Variants in CLIP1 observed in about 807,000 individuals in gnomAD.
The protein encoded by CLIP1 is CAP-Gly domain-containing linker protein 1.
A neutral mutation model predicts 161.6 loss-of-function variants in CLIP1; 66 were observed. The ratio of observed to expected loss-of-function variants is 0.41; its 90% CI spans 0.33 to 0.50. CLIP1 has a LOEUF of 0.50. Among genes scored for constraint, CLIP1 ranks in the 20% least tolerant of loss-of-function variants. CLIP1 has a pLI of 0.27. For synonymous variants in CLIP1, 598 were observed against 626.2 expected, an observed-to-expected ratio of 0.96 and a Z score of 0.67; for missense variants, 1,376 against 1,702.0, an observed-to-expected ratio of 0.81 and a Z score of 3.37.
chr12:122,358,637 A>G (rs536277760), intron 5 of CLIP1, among the ~76,000 whole-genome samples: 42 of 152,094 alleles, frequency 2.8e-4, no homozygotes, highest in Non-Finnish European at 3.7e-4. Flanking sequence ...AATTGGGTAT[A>G]TATTTCATAG....
Position 122,377,631 on chromosome 12 carries a change from T to A in CLIP1, c.415A>T (p.Thr139Ser). ...GAAGTAGCTCGGGAGGCGGGCGTTG[T>A]CTGCAGGCCATTAGCTTCATCTTCT... is the stretch of plus-strand genomic sequence containing the variant. ...QAEDEANGLQ[T>S]TPASRATSPL... Residue 139 changes from threonine to serine, a missense_variant, in exon 3 of 26, where the codon ACA becomes TCA. This residue lies in a region of CLIP1 where 119 missense variants were observed against 112.0 expected (regional missense o/e 1.06). Transcript: ENST00000620786. The A allele has an allele frequency of 1.2e-6, 2 of 1,613,880 alleles. No homozygotes were observed. The highest frequency in any genetic ancestry group is 2.2e-5 in the South Asian group (2 of 91,080).
intron 20 of CLIP1, among the ~76,000 whole-genome samples, chr12:122,309,334 A>C (rs1950985645): frequency 6.6e-6 from 1 of 152,244 alleles, no homozygotes; most frequent in African/African-American, 2.4e-5. Flanking sequence ...TCTATTTAAA[A>C]TCAGCTGCCA....
intron 19 of CLIP1, 85 bp from the exon 20 acceptor site, chr12:122,309,967 G>A: frequency 2.0e-6 from 3 of 1,491,292 alleles, no homozygotes; most frequent in Non-Finnish European, 2.8e-6. Flanking sequence ...CAGCACTGAA[G>A]AAAATATATC....
At chr12:122,307,234 C>G (rs1379592621) in intron 20 of CLIP1, among the ~76,000 whole-genome samples, 1 of 151,948 alleles carries the variant, frequency 6.6e-6, no homozygotes, top group Non-Finnish European at 1.5e-5. Flanking sequence ...GTCTCGAACT[C>G]CTGACCTCAT....
chr12:122,275,722 A>C (rs372996474), intron 24 of CLIP1: 11 of 152,274 alleles, frequency 7.2e-5, no homozygotes, highest in Admixed American at 6.5e-4. Flanking sequence ...CAATCCATCC[A>C]GGACTTTTCT....
intron 20 of CLIP1, among the ~76,000 whole-genome samples, chr12:122,296,976 A>G (rs1950497486): frequency 6.6e-6 from 1 of 151,940 alleles, no homozygotes; most frequent in Non-Finnish European, 1.5e-5. Context: ...ATACACAGAG[A>G]TTCATTGTAC....
intron 20 of CLIP1, among the ~76,000 whole-genome samples, chr12:122,299,612 CAAAAAAAAAA>C (rs71082962): frequency 1.6e-5 from 1 of 62,500 alleles, no homozygotes; most frequent in African/African-American, 7.0e-5. Context: ...ATAAATTCAG[CAAAAAAAAAA>C]AAAAAAAAAA....
At chr12:122,289,933 C>G (rs1956031601) in intron 20 of CLIP1, among the ~76,000 whole-genome samples, 1 of 152,020 alleles carries the variant, frequency 6.6e-6, no homozygotes, top group South Asian at 2.1e-4. Flanking sequence ...TTCAGTCTCC[C>G]AAATAGCTGG....
At chr12:122,328,647 T>C (rs1436344119) in intron 15 of CLIP1, among the ~76,000 whole-genome samples, 2 of 152,164 alleles carry the variant, frequency 1.3e-5, no homozygotes, top group Non-Finnish European at 2.9e-5. Flanking sequence ...TGCAGTGGCA[T>C]GATCTCCGCT....
intron 15 of CLIP1, among the ~76,000 whole-genome samples, chr12:122,332,292 T>C (rs1404440952): frequency 7.1e-6 from 1 of 141,796 alleles, no homozygotes; most frequent in Non-Finnish European, 1.5e-5. Flanking sequence ...CAAAACTCCG[T>C]CTCAAAAAAA....
intron 3 of CLIP1, among the ~76,000 whole-genome samples, chr12:122,373,030 G>C (rs1954532082): frequency 6.6e-6 from 1 of 152,140 alleles, no homozygotes; most frequent in Admixed American, 6.6e-5. Context: ...CGGAAGATGG[G>C]TGCACCAAAA....
At position 122,370,647 on chromosome 12, in the gene CLIP1, C is replaced by A. The variant is rs116864970; in HGVS notation, c.658-6540G>T. Among the ~76,000 whole-genome samples the A allele has an allele frequency of 7.0e-4, 107 of 152,152 alleles. 2 individuals are homozygous for A. The East Asian group carries it at 0.016, about 22-fold the overall frequency. On this transcript the variant is annotated intron_variant, in intron 3 of 25. Coordinates refer to ENST00000620786, the MANE Select transcript of CLIP1 (RefSeq NM_001247997.2). ...AGATACCCTCTTGTAAGTCTAACTC[C>A]CTAGAACTAACAGGTAAACAAAAGA... is the stretch of plus-strand genomic sequence containing the variant.
At chr12:122,348,758 G>A (rs1363133616) in intron 9 of CLIP1, among the ~76,000 whole-genome samples, 1 of 152,018 alleles carries the variant, frequency 6.6e-6, no homozygotes, top group African/African-American at 2.4e-5. Flanking sequence ...AATACTTTGT[G>A]GTACTAATTG....
chr12:122,312,297 C>T lies in CLIP1; in HGVS notation c.3474-2415G>A, dbSNP rs1156544222. ...TTTCCCTAAGATCCAAAATTATACA[C>T]CACAAGAAACTGTTTCATTGTTATC... On this transcript the variant is annotated intron_variant, in intron 19 of 25. Transcript: ENST00000620786. Among the ~76,000 whole-genome samples, 10 of 152,292 alleles carry T rather than the reference C, an allele frequency of 6.6e-5. No individual in the cohort carries two copies. The South Asian group carries it at 1.0e-3, about 16-fold the overall frequency.
At chr12:122,348,313 A>G (rs1952845667) in intron 9 of CLIP1, among the ~76,000 whole-genome samples, 1 of 152,222 alleles carries the variant, frequency 6.6e-6, no homozygotes, top group Non-Finnish European at 1.5e-5. Flanking sequence ...CCATCTCTGA[A>G]GGAGTCCAAT....
chr12:122,385,035 C>T (rs914768874), intron 1 of CLIP1, among the ~76,000 whole-genome samples: 5 of 150,696 alleles, frequency 3.3e-5, no homozygotes, highest in Non-Finnish European at 4.4e-5. Context: ...CAGGTTCAAG[C>T]GATTCTCCTG....
At chr12:122,313,274 C>A (rs1444792776) in intron 19 of CLIP1, among the ~76,000 whole-genome samples, 3 of 152,182 alleles carry the variant, frequency 2.0e-5, no homozygotes, top group African/African-American at 7.2e-5. Flanking sequence ...TCCGGTCCCT[C>A]CCCACCTGAA....
intron 11 of CLIP1, among the ~76,000 whole-genome samples, chr12:122,338,311 AAAAT>A (rs1952338806): frequency 6.6e-6 from 1 of 152,134 alleles, no homozygotes; most frequent in Admixed American, 6.5e-5. Context: ...TCTGTCTTAA[AAAAT>A]AAATAAATAA....
chr12:122,284,078 G>T (rs747366060), intron 21 of CLIP1, among the ~76,000 whole-genome samples: 1 of 152,126 alleles, frequency 6.6e-6, no homozygotes, highest in South Asian at 2.1e-4. Context: ...AGAAGGCAAT[G>T]AAGGGCCCCA....
Sources: gnomAD v4.1 joint callset for allele counts (sites outside exome capture counted in the v4.1 genomes callset) on GRCh38, gnomAD v4.1.1 for gene constraint, gnomAD v4.1.1 regional missense constraint, MANE v1.5 for transcripts, NCBI Gene and HGNC (gene_info 2026-07-23, HGNC 2026-07-21) for gene names.